The following CHAF1A variants were observed in gnomAD, a reference collection of about 807,000 sequenced individuals.
CHAF1A encodes the protein CAF-1 subunit A.
Under a neutral mutation model 93.2 loss-of-function variants are expected in CHAF1A, and 5 were observed. That is an observed-to-expected ratio of 0.05 (90% CI 0.03 to 0.11). The LOEUF (loss-of-function observed/expected upper bound fraction) is 0.11. Ranked by LOEUF, CHAF1A falls within the 10% of genes least tolerant of loss-of-function variation. The pLI, the probability that CHAF1A is intolerant of heterozygous loss-of-function variation, is 1.00. For synonymous variants in CHAF1A, 504 were observed against 510.3 expected (o/e 0.99, Z 0.17); for missense variants, 1,102 against 1,259.9 (o/e 0.87, Z 1.90).
At chr19:4,428,078 G>A (rs896803992) in intron 7 of CHAF1A, among the ~76,000 whole-genome samples, 1 of 150,304 alleles carries the variant, frequency 6.7e-6, no homozygotes. Flanking sequence ...GGCTGGTCTC[G>A]AACTCCTGAC....
At chr19:4,420,418 T>G (rs577509518) in intron 4 of CHAF1A, among the ~76,000 whole-genome samples, 13 of 152,148 alleles carry the variant, frequency 8.5e-5, no homozygotes, top group Middle Eastern at 3.4e-3. Flanking sequence ...AATTTTTGTA[T>G]TTTTAGTAGA....
chr19:4,442,133 G>T, intron 13 of CHAF1A, 112 bp from the exon 14 acceptor site: 1 of 806,270 alleles, frequency 1.2e-6, no homozygotes, highest in South Asian at 1.5e-5. Context: ...GTTTCCTTCC[G>T]TGTTGGGGGT....
chr19:4,414,597 A>G (rs105037), intron 3 of CHAF1A, among the ~76,000 whole-genome samples: 49,998 of 151,902 alleles, frequency 0.33, 8,713 homozygotes, highest in East Asian at 0.6. Context: ...TTGTTACTCA[A>G]GGGTGTCTTA....
downstream of CHAF1A, chr19:4,448,821 T>C (rs1355495965): frequency 1.4e-5 from 3 of 213,910 alleles, no homozygotes; most frequent in Non-Finnish European, 2.9e-5. Context: ...CGCAGCCCCA[T>C]GATGGACGTT....
downstream of CHAF1A, chr19:4,448,027 C>T: frequency 1.9e-6 from 1 of 533,110 alleles, no homozygotes; most frequent in Non-Finnish European, 3.4e-6. Flanking sequence ...GATCCTGAGA[C>T]CCGGGGAGTG....
intron 1 of CHAF1A, among the ~76,000 whole-genome samples, chr19:4,404,741 TCTC>T (rs1052476629): frequency 6.6e-6 from 1 of 152,202 alleles, no homozygotes; most frequent in Admixed American, 6.5e-5. Flanking sequence ...CCAAGCCAGA[TCTC>T]CTGGTAAGTG....
At chr19:4,417,153 T>A (rs1019506548) in intron 3 of CHAF1A, among the ~76,000 whole-genome samples, 3 of 152,174 alleles carry the variant, frequency 2.0e-5, no homozygotes, top group Non-Finnish European at 4.4e-5. Context: ...AAGCTTTTTT[T>A]AGAGACAGGG....
At chr19:4,430,867 G>T in intron 11 of CHAF1A, 1 of 541,696 alleles carries the variant, frequency 1.8e-6, no homozygotes. Flanking sequence ...GGAGCCATAG[G>T]AGCAGACACC....
rs1442010128 is a variant in CHAF1A at position 4,422,247 on chromosome 19, C to G, written c.1018-319C>G. Reference sequence around the variant, plus strand: ...CAGGCTGGTCTCGAACTCCTGACCTCAGGTGATCCACTTGCCTCGGCCTCC... The same window carrying G: ...CAGGCTGGTCTCGAACTCCTGACCTGAGGTGATCCACTTGCCTCGGCCTCC... On this transcript the variant is annotated intron_variant, in intron 4 of 14. Coordinates refer to ENST00000301280, the MANE Select transcript of CHAF1A (RefSeq NM_005483.3). This position sits in a 1 kb window ranked among gnomAD's most constrained non-coding sequence, Gnocchi z 4.6. 1.3e-5 allele frequency among the ~76,000 whole-genome samples: 2 copies of G among 152,148 alleles called. No individual in the cohort carries two copies. Among genetic ancestry groups the G allele is most frequent in the Non-Finnish European group, 2.9e-5 (2 of 68,028 alleles).
intron 7 of CHAF1A, among the ~76,000 whole-genome samples, chr19:4,425,022 A>G (rs1470549380): frequency 6.6e-6 from 1 of 151,386 alleles, no homozygotes; most frequent in Non-Finnish European, 1.5e-5. Context: ...GATCCTCCAA[A>G]CCTCGGCCTC....
intron 6 of CHAF1A, 37 bp downstream of exon 6, chr19:4,423,432 C>A: frequency 1.9e-6 from 3 of 1,611,526 alleles, no homozygotes; most frequent in Non-Finnish European, 2.5e-6. Context: ...CGTCCCAGCC[C>A]GTTGGAGAAG....
At chr19:4,447,029 C>T, downstream of CHAF1A, 1 of 1,130,162 alleles carries the variant, frequency 8.8e-7, no homozygotes, top group Non-Finnish European at 1.3e-6. Context: ...AGCTGTCGAC[C>T]CCTGGATGGG....
intron 11 of CHAF1A, among the ~76,000 whole-genome samples, chr19:4,431,693 G>A (rs1974185762): frequency 6.6e-6 from 1 of 152,156 alleles, no homozygotes; most frequent in Admixed American, 6.6e-5. Context: ...AAAATTCAGA[G>A]GGGTGTTAAA....
chr19:4,447,045 G>A, downstream of CHAF1A: 1 of 928,998 alleles, frequency 1.1e-6, no homozygotes, highest in Non-Finnish European at 1.6e-6. Flanking sequence ...ATGGGGCCCA[G>A]CCCTGGGGGT....
intron 14 of CHAF1A, 151 bp downstream of exon 14, chr19:4,442,492 C>T: frequency 1.4e-6 from 1 of 695,148 alleles, no homozygotes; most frequent in Non-Finnish European, 2.5e-6. Context: ...CTGCCACATC[C>T]TCGGGCGGGC....
downstream of CHAF1A, chr19:4,446,829 C>T (rs150635571): frequency 7.4e-6 from 12 of 1,614,056 alleles, no homozygotes; most frequent in African/African-American, 1.1e-4. Context: ...AGGCCCTGTC[C>T]ACTTACCCTG....
At chr19:4,450,785 AAG>A in the CHAF1A span, 2 of 146,094 alleles carry the variant, frequency 1.4e-5, no homozygotes, top group South Asian at 2.2e-4. Flanking sequence ...AAAAAAAAAA[AAG>A]AGTGCCTACA....
At chr19:4,420,679 C>T (rs949814858) in intron 4 of CHAF1A, among the ~76,000 whole-genome samples, 2 of 152,146 alleles carry the variant, frequency 1.3e-5, no homozygotes, top group African/African-American at 4.8e-5. Flanking sequence ...TAGTGGCTCG[C>T]CCCCATAATC....
At chr19:4,426,123 C>G (rs1215386502) in intron 7 of CHAF1A, among the ~76,000 whole-genome samples, 1 of 146,988 alleles carries the variant, frequency 6.8e-6, no homozygotes, top group Non-Finnish European at 1.5e-5. Flanking sequence ...GTATTTCATT[C>G]TCCGTGATAT....
Sources: allele counts gnomAD v4.1 joint callset (sites outside exome capture counted in the v4.1 genomes callset), GRCh38; gene constraint gnomAD v4.1.1; non-coding constraint Gnocchi (gnomAD v3.1); transcripts MANE v1.5; gene names NCBI Gene and HGNC (gene_info 2026-07-23, HGNC 2026-07-21).